The following KMT2A variants were observed in gnomAD, a reference collection of about 807,000 sequenced individuals.
KMT2A encodes the protein lysine methyltransferase 2A, also known as histone-lysine N-methyltransferase 2A.
KMT2A carries 16 observed loss-of-function variants against 345.3 expected under a neutral mutation model. The ratio of observed to expected loss-of-function variants is 0.05; its 90% confidence interval spans 0.03 to 0.07. KMT2A has a LOEUF of 0.07. KMT2A is among the 10% of genes least tolerant of loss of function. The probability of loss-of-function intolerance (pLI) is 1.00; values close to 1 mark genes in which losing one functional copy is unlikely to be tolerated. For missense variants in KMT2A, 3,272 were observed against 4,841.6 expected (o/e 0.68, Z 9.62); for synonymous variants, 1,599 against 1,778.6 (o/e 0.90, Z 2.54).
chr11:118,451,581 GT>G (rs1324867130), intron 1 of KMT2A, among the ~76,000 whole-genome samples: 9 of 151,796 alleles, frequency 5.9e-5, no homozygotes, highest in Admixed American at 6.6e-5. Flanking sequence ...TAGAGACGGG[GT>G]TTCACCATGT....
At chr11:118,441,002 TA>T (rs1193156749) in intron 1 of KMT2A, among the ~76,000 whole-genome samples, 4 of 152,118 alleles carry the variant, frequency 2.6e-5, no homozygotes, top group Non-Finnish European at 4.4e-5. Flanking sequence ...AATTCACTTT[TA>T]ACCTTAAATT....
chr11:118,484,381 A>G lies in KMT2A; in HGVS notation c.4218+67A>G, dbSNP rs1374847532. 50 of 1,533,966 alleles carry G rather than the reference A, an allele frequency of 3.3e-5. No homozygotes were observed. Among genetic ancestry groups the G allele is most frequent in the Non-Finnish European group, 4.0e-5 (45 of 1,120,264 alleles). On this transcript the variant is annotated intron_variant, in intron 9 of 35. Coordinates refer to ENST00000534358, the MANE Select transcript of KMT2A (RefSeq NM_001197104.2). The surrounding 1 kb of genome is among the most constrained non-coding windows in gnomAD (Gnocchi z 4.1). ...GACTTTAAATAAAGAAAATGCTACT[A>G]CCAAAGGTGTTGAAAGAGGAAATCA...
intron 31 of KMT2A, among the ~76,000 whole-genome samples, chr11:118,517,880 T>C (rs1229592042): frequency 6.6e-6 from 1 of 151,768 alleles, no homozygotes; most frequent in African/African-American, 2.4e-5. Context: ...ACATTCTTTT[T>C]GTTTGTTTGT....
At chr11:118,448,749 C>T (rs1372659483) in intron 1 of KMT2A, 2 of 152,012 alleles carry the variant, frequency 1.3e-5, no homozygotes, top group Admixed American at 6.6e-5. Context: ...AATGAATGGT[C>T]TCTACTTTTA....
chr11:118,452,958 A>G (rs1226352522), intron 1 of KMT2A, among the ~76,000 whole-genome samples: 6 of 151,620 alleles, frequency 4.0e-5, no homozygotes, highest in Admixed American at 2.6e-4. Context: ...TCTAAGGCCA[A>G]CCTCTCCATT....
At position 118,502,457 on chromosome 11, in the gene KMT2A, G is replaced by A. The variant is rs1555046004; in HGVS notation, c.6565G>A (p.Gly2189Arg). 1.2e-6 allele frequency: 2 copies of A among 1,613,736 alleles called. No homozygotes were observed. Among genetic ancestry groups the A allele is most frequent in the Non-Finnish European group, 1.7e-6 (2 of 1,179,848 alleles). The stretch of plus-strand genomic sequence containing the variant: ...AGTAGGTGATCCTTTACTCTCCTCT[G>A]GACTTCGAAGCATTGGCTCCAGGCG... ...VTVGDPLLSSGLRSIGSRRHS... is the reference protein window; with the variant it reads ...VTVGDPLLSSRLRSIGSRRHS... Residue 2189 changes from glycine to arginine, a missense_variant, in exon 27 of 36, where the codon GGA becomes AGA. Physicochemically the swap from Gly to Arg is moderately radical, Grantham distance 125 (BLOSUM62 -2). This residue lies in a region of KMT2A where 445 missense variants were observed against 500.9 expected (regional missense o/e 0.89). Transcript: ENST00000534358. The surrounding 1 kb of genome is among the most constrained non-coding windows in gnomAD (Gnocchi z 4.9).
Position 118,507,552 on chromosome 11 carries a change from A to T in KMT2A, c.10778A>T (p.Gln3593Leu), listed in dbSNP as rs1555048878. 6.2e-7 allele frequency: 1 copy of T among 1,614,226 alleles called. No individual in the cohort carries two copies. Among genetic ancestry groups the T allele is most frequent in the East Asian group, 2.2e-5 (1 of 44,890 alleles). ...AGGACTCCAGGAGCAGAGGCTGAGC[A>T]GCAGGATACAGCTAGCGTGGAGCAG... ...GTGTPGAEAE[Q>L]QDTASVEQSS... Residue 3593 changes from glutamine (Q) to leucine (L), a missense_variant, in exon 28 of 36, where the codon CAG becomes CTG. This residue lies in a region of KMT2A where 748 missense variants were observed against 922.2 expected (regional missense o/e 0.81). Transcript: ENST00000534358.
Position 118,489,772 on chromosome 11 carries a change from G to A in KMT2A, c.4480-20G>A, listed in dbSNP as rs782421006. 1 of 1,605,258 alleles carries A rather than the reference G, an allele frequency of 6.2e-7. No homozygotes were observed. The highest frequency in any genetic ancestry group is 1.1e-5 in the South Asian group (1 of 90,822). On this transcript the variant is annotated intron_variant, in intron 11 of 35. Transcript: ENST00000534358. ...AAGGTAATATGATGCTTATCTTTTT[G>A]CCATTATATTTTCTTACAGCAGCTG...
At chr11:118,454,915 C>T (rs185201958) in intron 1 of KMT2A, among the ~76,000 whole-genome samples, 6 of 152,002 alleles carry the variant, frequency 3.9e-5, no homozygotes, top group Non-Finnish European at 1.5e-5. Context: ...CCATAGTTTT[C>T]CAGTCTTCGG....
rs940325244 is a variant in KMT2A at position 118,474,178 on chromosome 11, G to T, written c.3019G>T (p.Gly1007Cys). ...TGTTAAACATTCCACTTCCTCCATAGGCTCCATGTTGGCTCAGGCAGACAA... is the reference window on the plus strand; with the variant it reads ...TGTTAAACATTCCACTTCCTCCATATGCTCCATGTTGGCTCAGGCAGACAA... ...STVKHSTSSI[G>C]SMLAQADKLP... Residue 1007 changes from glycine to cysteine, a missense_variant, in exon 3 of 36, where the codon GGC becomes TGC. This residue lies in a region of KMT2A where 39 missense variants were observed against 88.9 expected (regional missense o/e 0.44). Transcript: ENST00000534358. 2 of 1,614,112 alleles carry T rather than the reference G, an allele frequency of 1.2e-6. No homozygotes were observed. Among genetic ancestry groups the T allele is most frequent in the Non-Finnish European group, 1.7e-6 (2 of 1,180,030 alleles).
chr11:118,505,742 A>G lies in KMT2A; in HGVS notation c.9850A>G (p.Thr3284Ala). Residue 3284 changes from threonine (T) to alanine (A), a missense_variant, in exon 27 of 36, where the codon ACT becomes GCT. By Grantham distance (58) the Thr-to-Ala change is moderately conservative (BLOSUM62 0). This residue lies in a region of KMT2A where 748 missense variants were observed against 922.2 expected (regional missense o/e 0.81). Coordinates refer to ENST00000534358, the MANE Select transcript of KMT2A (RefSeq NM_001197104.2). This position sits in a 1 kb window ranked among gnomAD's most constrained non-coding sequence, Gnocchi z 4.6. ...GTCACTTAATACTTCATCTCACCGA[A>G]CTGTCCCCAACATCATAAAAAGATC... is the stretch of plus-strand genomic sequence containing the variant. The part of the protein sequence containing the change: ...LGSLNTSSHR[T>A]VPNIIKRSKS... 6.2e-7 allele frequency: 1 copy of G among 1,614,126 alleles called. No individual in the cohort carries two copies. The highest frequency in any genetic ancestry group is 8.5e-7 in the Non-Finnish European group (1 of 1,180,022).
intron 8 of KMT2A, among the ~76,000 whole-genome samples, chr11:118,483,357 C>T (rs1447277154): frequency 1.4e-5 from 2 of 138,358 alleles, no homozygotes; most frequent in Admixed American, 1.5e-4. Context: ...ACGGTGAAAC[C>T]CTGTCTCTAC....
intron 1 of KMT2A, among the ~76,000 whole-genome samples, chr11:118,452,218 A>AT (rs1949554380): frequency 6.6e-6 from 1 of 152,222 alleles, no homozygotes; most frequent in South Asian, 2.1e-4. Context: ...GAATCAGGAG[A>AT]TTTTAAATGT....
At chr11:118,462,017 G>C (rs1252678590) in intron 1 of KMT2A, among the ~76,000 whole-genome samples, 1 of 151,812 alleles carries the variant, frequency 6.6e-6, no homozygotes, top group South Asian at 2.1e-4. Context: ...AGTGGCGTGA[G>C]CTTTTGGCTC....
At position 118,507,021 on chromosome 11, in the gene KMT2A, G is replaced by A. The variant is rs565624853; in HGVS notation, c.10754+375G>A. Among the ~76,000 whole-genome samples, 218 of 152,306 alleles carry A rather than the reference G, an allele frequency of 1.4e-3. 2 individuals are homozygous for A. The highest frequency in any genetic ancestry group is 4.9e-3 in the African/African-American group (205 of 41,560). On this transcript the variant is annotated intron_variant, in intron 27 of 35. Transcript: ENST00000534358. The stretch of plus-strand genomic sequence containing the variant: ...TTAAAACTTTATCATTGAAAGCCAA[G>A]CACAGTGGCTCATGTCTGTAATCCC...
intron 6 of KMT2A, among the ~76,000 whole-genome samples, chr11:118,480,852 A>G (rs1950118825): frequency 6.6e-6 from 1 of 152,022 alleles, no homozygotes. Flanking sequence ...TTTTTTGCAG[A>G]GACACGATTT....
chr11:118,454,409 T>C (rs1949601147), intron 1 of KMT2A, among the ~76,000 whole-genome samples: 1 of 152,240 alleles, frequency 6.6e-6, no homozygotes, highest in South Asian at 2.1e-4. Context: ...CCTTTGCACT[T>C]GCTCTCAGGC....
intron 6 of KMT2A, among the ~76,000 whole-genome samples, chr11:118,480,872 G>C (rs1026747414): frequency 2.6e-5 from 4 of 151,926 alleles, no homozygotes; most frequent in African/African-American, 9.7e-5. Context: ...TTGCCATGTT[G>C]CCCAGGCTGG....
intron 31 of KMT2A, 38 bp downstream of exon 31, chr11:118,512,063 A>G (rs782286998): frequency 1.9e-6 from 3 of 1,570,002 alleles, no homozygotes; most frequent in Middle Eastern, 1.7e-4. Context: ...CTGTCTCAGA[A>G]TATTATGGTA....
Sources: allele counts gnomAD v4.1 joint callset (sites outside exome capture counted in the v4.1 genomes callset), GRCh38; gene constraint gnomAD v4.1.1; regional missense constraint gnomAD v4.1.1; non-coding constraint Gnocchi (gnomAD v3.1); transcripts MANE v1.5; gene names NCBI Gene and HGNC (gene_info 2026-07-23, HGNC 2026-07-21).